KLHL8: variants seen among roughly 807,000 people sequenced by gnomAD.
The protein encoded by KLHL8 is kelch like family member 8.
KLHL8 carries 38 observed loss-of-function variants against 63.5 expected under a neutral mutation model. That is an observed-to-expected ratio of 0.60 (90% CI 0.46 to 0.78). KLHL8 has a LOEUF of 0.78. KLHL8 is among the 30% of genes least tolerant of loss of function. KLHL8 has a pLI of 0.00. For missense variants in KLHL8, 566 were observed against 752.4 expected (o/e 0.75, Z 2.90); for synonymous variants, 224 against 254.3 (o/e 0.88, Z 1.13).
chr4:87,218,836 G>A (rs1221675377), intron 1 of KLHL8, among the ~76,000 whole-genome samples: 1 of 152,102 alleles, frequency 6.6e-6, no homozygotes, highest in Non-Finnish European at 1.5e-5. Context: ...CCGGGTTCAA[G>A]CCATTCTCCT....
chr4:87,202,316 C>T (rs1731951182), intron 1 of KLHL8, among the ~76,000 whole-genome samples: 1 of 152,078 alleles, frequency 6.6e-6, no homozygotes, highest in South Asian at 2.1e-4. Flanking sequence ...GACGGGGTTT[C>T]AGCATGTTGG....
chr4:87,184,306 G>A lies in KLHL8; in HGVS notation c.766-917C>T, dbSNP rs565531629. ...TATGAATGCATAAATATTGTGATAT[G>A]CACTTGAAAAAATGTCTTATCATCA... On this transcript the variant is annotated intron_variant, in intron 3 of 9. Transcript: ENST00000273963. Among the ~76,000 whole-genome samples, 329 of 146,238 alleles carry A rather than the reference G, an allele frequency of 2.2e-3. 2 individuals carry two copies. Among genetic ancestry groups the A allele is most frequent in the Non-Finnish European group, 3.9e-3 (254 of 64,960 alleles).
chr4:87,207,899 G>GCATCCTGGGCTA, intron 1 of KLHL8: 1 of 1,463,732 alleles, frequency 6.8e-7, no homozygotes, highest in Admixed American at 1.7e-5. Context: ...CCCCTCAAGG[G>GCATCCTGGGCTA]CATCCTGGGC....
chr4:87,167,486 A>G (rs979108198), intron 8 of KLHL8: 2 of 526,232 alleles, frequency 3.8e-6, no homozygotes, highest in African/African-American at 1.9e-5. Context: ...AGGAAAGAGG[A>G]GGCTGGGAGC....
intron 5 of KLHL8, 131 bp downstream of exon 5, chr4:87,178,346 C>T (rs1381887097): frequency 5.7e-5 from 56 of 978,460 alleles, no homozygotes; most frequent in Non-Finnish European, 8.2e-5. Flanking sequence ...TAAATTATCA[C>T]TAACCAAGCA....
intron 1 of KLHL8, among the ~76,000 whole-genome samples, chr4:87,239,965 C>T (rs1733299445): frequency 6.6e-6 from 1 of 152,154 alleles, no homozygotes; most frequent in African/African-American, 2.4e-5. Flanking sequence ...TTAACCCCCT[C>T]ATCTGGTAGG....
At position 87,196,722 on chromosome 4, in the gene KLHL8, T is replaced by C. The variant is rs956198175; in HGVS notation, c.-151-1032A>G. ...ATAATTCTATGCTACAATTCTACTTTGGTGACAGAAACAGAGATTTTAAGT... is the reference window on the plus strand; with the variant it reads ...ATAATTCTATGCTACAATTCTACTTCGGTGACAGAAACAGAGATTTTAAGT... On this transcript the variant is annotated intron_variant, in intron 1 of 9. Transcript: ENST00000273963. Among the ~76,000 whole-genome samples the C allele has an allele frequency of 4.6e-5, 7 of 152,336 alleles. No homozygotes were observed. The South Asian group carries it at 1.0e-3, about 23-fold the overall frequency.
intron 8 of KLHL8, chr4:87,167,145 A>G (rs1578357300): frequency 2.0e-6 from 1 of 493,654 alleles, no homozygotes. Flanking sequence ...TATCAAGATA[A>G]AAGGATTTGT....
intron 1 of KLHL8, among the ~76,000 whole-genome samples, chr4:87,238,235 A>C (rs1422195955): frequency 6.6e-6 from 1 of 152,198 alleles, no homozygotes; most frequent in African/African-American, 2.4e-5. Flanking sequence ...CGCTCAGCCT[A>C]CATCTTATAT....
rs114173974 is a variant in KLHL8, at chr4:87,230,504, A to G, written n.58-9114T>C. On this transcript the variant is annotated intron_variant and non_coding_transcript_variant, in intron 1 of 1. Coordinates refer to the KLHL8 transcript ENST00000506274. ...CCTAGATCACCTCATTCCAACTGTC[A>G]TGTAATCCTCTAGTCTGGTCAAGAA... Among the ~76,000 whole-genome samples the G allele has an allele frequency of 1.0e-3, 156 of 152,322 alleles. 1 individual carries two copies. Among genetic ancestry groups the G allele is most frequent in the Non-Finnish European group, 1.8e-3 (124 of 68,026 alleles).
chr4:87,217,025 A>C (rs1184621538), intron 1 of KLHL8, among the ~76,000 whole-genome samples: 1 of 151,992 alleles, frequency 6.6e-6, no homozygotes, highest in Non-Finnish European at 1.5e-5. Context: ...GGATTCTAAT[A>C]GAGAATTGTG....
rs1731980652 is a variant in KLHL8, at chr4:87,203,079, A to AAACCACAT, written c.-151-7397_-151-7390dup. 3.3e-5 allele frequency among the ~76,000 whole-genome samples: 5 copies of AAACCACAT among 152,316 alleles called. No homozygotes were observed. The South Asian group carries it at 1.0e-3, about 32-fold the overall frequency. On this transcript the variant is annotated intron_variant, in intron 1 of 9. Transcript: ENST00000273963. Reference sequence around the variant, plus strand: ...ACCACAACAACATACTAAAGAAGAAAAACCACATAGGAAGTAAAAGTTATC... The same window carrying AAACCACAT: ...ACCACAACAACATACTAAAGAAGAAAAACCACATAACCACATAGGAAGTAAAAGTTATC...
intron 1 of KLHL8, among the ~76,000 whole-genome samples, chr4:87,199,266 T>C (rs1270060420): frequency 6.6e-6 from 1 of 152,046 alleles, no homozygotes; most frequent in Non-Finnish European, 1.5e-5. Flanking sequence ...AAAAACACTA[T>C]ATAAAAATAT....
At chr4:87,181,480 T>C (rs1207526791) in intron 4 of KLHL8, among the ~76,000 whole-genome samples, 6 of 152,084 alleles carry the variant, frequency 3.9e-5, no homozygotes, top group Non-Finnish European at 7.4e-5. Context: ...AGATGTTCAA[T>C]GGCACAGCTA....
At chr4:87,169,954 A>T in intron 8 of KLHL8, 125 bp downstream of exon 8, 1 of 676,304 alleles carries the variant, frequency 1.5e-6, no homozygotes. Context: ...TGTAAGAAAG[A>T]ATTCAAAAGC....
intron 1 of KLHL8, among the ~76,000 whole-genome samples, chr4:87,208,897 A>C (rs1178594291): frequency 6.6e-6 from 1 of 152,196 alleles, no homozygotes; most frequent in Non-Finnish European, 1.5e-5. Context: ...ACTTTTATAA[A>C]ATTATTTTTA....
chr4:87,213,414 A>G (rs943443470), intron 1 of KLHL8, among the ~76,000 whole-genome samples: 2 of 152,194 alleles, frequency 1.3e-5, no homozygotes, highest in African/African-American at 4.8e-5. Context: ...GATGTTTGAA[A>G]CCAAACGAAA....
chr4:87,216,746 A>T (rs556330574), intron 1 of KLHL8, among the ~76,000 whole-genome samples: 36 of 150,854 alleles, frequency 2.4e-4, no homozygotes, highest in African/African-American at 5.2e-4. Context: ...CAACCCATTT[A>T]AAAAAAAAGC....
chr4:87,195,837 C>A, intron 1 of KLHL8, 147 bp from the exon 2 acceptor site: 1 of 250,226 alleles, frequency 4.0e-6, no homozygotes, highest in Non-Finnish European at 7.6e-6. Flanking sequence ...CTAAATAACA[C>A]ATAATTCACT....
Sources: allele counts gnomAD v4.1 joint callset (sites outside exome capture counted in the v4.1 genomes callset), GRCh38; gene constraint gnomAD v4.1.1; transcripts MANE v1.5; gene names NCBI Gene and HGNC (gene_info 2026-07-23, HGNC 2026-07-21).